Variants in SPSB1 observed in about 807,000 individuals in gnomAD.
The protein encoded by SPSB1 is splA/ryanodine receptor domain and SOCS box containing 1, also known as SPRY domain-containing SOCS box protein 1.
In SPSB1, 8 loss-of-function variants were observed where a neutral mutation model predicts 21.2. That is an observed-to-expected ratio of 0.38 (90% confidence interval 0.22 to 0.68). The LOEUF is 0.68. Ranked by LOEUF, SPSB1 falls within the 30% of genes least tolerant of loss-of-function variation. The pLI, the probability that SPSB1 is intolerant of heterozygous loss-of-function variation, is 0.53. For synonymous variants in SPSB1, 169 were observed against 161.7 expected (o/e 1.05, Z -0.34); for missense variants, 242 against 377.8 (o/e 0.64, Z 2.98).
intron 1 of SPSB1, among the ~76,000 whole-genome samples, chr1:9,343,997 C>G (rs578000371): frequency 6.6e-6 from 1 of 152,272 alleles, no homozygotes; most frequent in East Asian, 1.9e-4. Context: ...ACCGTGTTAG[C>G]CAGGATGGTC....
At chr1:9,357,220 A>ATGG (rs1553128618) in intron 2 of SPSB1, among the ~76,000 whole-genome samples, 89 of 148,130 alleles carry the variant, frequency 6.0e-4, no homozygotes, top group Non-Finnish European at 7.2e-4. Flanking sequence ...TCAGTGAATG[A>ATGG]ATGGATGGAT....
At chr1:9,358,889 G>A (rs924442524) in intron 2 of SPSB1, among the ~76,000 whole-genome samples, 2 of 152,192 alleles carry the variant, frequency 1.3e-5, no homozygotes, top group African/African-American at 2.4e-5. Flanking sequence ...AGAGGGTTCC[G>A]CCCACCCAGT....
chr1:9,318,276 G>T (rs1217533542), intron 1 of SPSB1, among the ~76,000 whole-genome samples: 1 of 152,214 alleles, frequency 6.6e-6, no homozygotes, highest in East Asian at 1.9e-4. Context: ...CGCCCGCTTG[G>T]GTCTCTGCCC....
At chr1:9,326,662 A>G (rs1639821266) in intron 1 of SPSB1, among the ~76,000 whole-genome samples, 1 of 152,196 alleles carries the variant, frequency 6.6e-6, no homozygotes, top group Non-Finnish European at 1.5e-5. Context: ...GAAAGAAGCC[A>G]CTGAGGCTAA....
intron 2 of SPSB1, among the ~76,000 whole-genome samples, chr1:9,364,376 T>G (rs1640523639): frequency 6.6e-6 from 1 of 152,248 alleles, no homozygotes; most frequent in African/African-American, 2.4e-5. Context: ...TTCAGGATCT[T>G]GGCTGCATGG....
chr1:9,362,376 C>G (rs11121389), intron 2 of SPSB1, among the ~76,000 whole-genome samples: 1 of 152,178 alleles, frequency 6.6e-6, no homozygotes, highest in South Asian at 2.1e-4. Context: ...GACAAAGGCT[C>G]CACGTTGTGT....
chr1:9,302,918 T>C (rs1291879775), intron 1 of SPSB1, among the ~76,000 whole-genome samples: 1 of 152,146 alleles, frequency 6.6e-6, no homozygotes. Flanking sequence ...AATTGTTGCT[T>C]CCTGTTCCTG....
At chr1:9,314,268 G>C (rs1639573812) in intron 1 of SPSB1, among the ~76,000 whole-genome samples, 2 of 151,944 alleles carry the variant, frequency 1.3e-5, no homozygotes, top group Admixed American at 1.3e-4. Context: ...GTCTCTGCTG[G>C]GCCGGGAGTA....
chr1:9,338,277 G>A (rs1640036416), intron 1 of SPSB1, among the ~76,000 whole-genome samples: 1 of 152,176 alleles, frequency 6.6e-6, no homozygotes, highest in Non-Finnish European at 1.5e-5. Context: ...GGCTCCCCAG[G>A]ACCCCTTTGT....
At chr1:9,310,573 T>C (rs917636886) in intron 1 of SPSB1, among the ~76,000 whole-genome samples, 1 of 152,104 alleles carries the variant, frequency 6.6e-6, no homozygotes, top group African/African-American at 2.4e-5. Context: ...TGCATGCCTG[T>C]GATCCCAGCT....
At chr1:9,318,600 A>G (rs964464681) in intron 1 of SPSB1, among the ~76,000 whole-genome samples, 3 of 152,212 alleles carry the variant, frequency 2.0e-5, no homozygotes, top group Non-Finnish European at 4.4e-5. Context: ...CATCTGTAAG[A>G]ATGGGTGTGA....
In SPSB1 at chr1:9,367,605, C is replaced by T; in HGVS notation, c.*30C>T. 1.3e-6 allele frequency: 2 copies of T among 1,563,516 alleles called. No homozygotes were observed. The highest frequency in any genetic ancestry group is 1.4e-5 in the African/African-American group (1 of 73,800). On this transcript the variant is annotated 3_prime_UTR_variant, in exon 3 of 3. Transcript: ENST00000328089. This position sits in a 1 kb window ranked among gnomAD's most constrained non-coding sequence, Gnocchi z 5.9. ...CGCCATCATACCGCCAGCGCGACAG[C>T]CACCTGGTGCCAACTCACTGAGCCG...
intron 1 of SPSB1, among the ~76,000 whole-genome samples, chr1:9,337,851 G>A (rs921965185): frequency 5.9e-5 from 9 of 152,234 alleles, no homozygotes; most frequent in East Asian, 1.9e-4. Flanking sequence ...TGCTCTAGCC[G>A]AAGATCAGCA....
At chr1:9,364,363 G>C (rs1319600270) in intron 2 of SPSB1, among the ~76,000 whole-genome samples, 2 of 152,254 alleles carry the variant, frequency 1.3e-5, no homozygotes, top group African/African-American at 4.8e-5. Context: ...AGCACTTCTG[G>C]CCTTCAGGAT....
At chr1:9,339,083 C>T (rs986358874) in intron 1 of SPSB1, among the ~76,000 whole-genome samples, 11 of 152,162 alleles carry the variant, frequency 7.2e-5, no homozygotes, top group Non-Finnish European at 1.2e-4. Context: ...GTGGAGCTTG[C>T]TCCGGCCAGG....
At chr1:9,322,461 C>T (rs1472940051) in intron 1 of SPSB1, among the ~76,000 whole-genome samples, 5 of 152,226 alleles carry the variant, frequency 3.3e-5, no homozygotes, top group African/African-American at 7.2e-5. Context: ...CGCCTGCTCA[C>T]CTGCACGATC....
intron 1 of SPSB1, among the ~76,000 whole-genome samples, chr1:9,309,299 A>AGTGTGT (rs773941473): frequency 2.8e-5 from 3 of 108,040 alleles, no homozygotes; most frequent in African/African-American, 4.3e-5. Context: ...AGAGAGAGAG[A>AGTGTGT]GAGTGTGTGT....
chr1:9,360,252 C>G (rs1385243934), intron 2 of SPSB1, among the ~76,000 whole-genome samples: 1 of 152,026 alleles, frequency 6.6e-6, no homozygotes, highest in Non-Finnish European at 1.5e-5. Context: ...GTCCTGGATG[C>G]CAAGTGAGGA....
rs1230714900 is a variant in SPSB1, at chr1:9,325,242, C to T, written c.-149-30501C>T. Among the ~76,000 whole-genome samples, 8 of 151,138 alleles carry T rather than the reference C, an allele frequency of 5.3e-5. 1 individual carries two copies. The highest frequency in any genetic ancestry group is 1.9e-4 in the East Asian group (1 of 5,148). On this transcript the variant is annotated intron_variant, in intron 1 of 2. Transcript: ENST00000328089. The stretch of plus-strand genomic sequence containing the variant: ...CCACCACCACCCCCCCCCCCCGCCC[C>T]GCCTCCACCGGTGCAGATGGAGAGC...
Sources: gnomAD v4.1 joint callset for allele counts (sites outside exome capture counted in the v4.1 genomes callset) on GRCh38, gnomAD v4.1.1 for gene constraint, Gnocchi (gnomAD v3.1) non-coding constraint, MANE v1.5 for transcripts, NCBI Gene and HGNC (gene_info 2026-07-23, HGNC 2026-07-21) for gene names.